Variants in NMBR observed in about 807,000 individuals in gnomAD.
NMBR encodes the protein neuromedin B receptor, also known as neuromedin-B receptor.
In NMBR, 16 loss-of-function variants were observed where a neutral mutation model predicts 20.5. That is an observed-to-expected ratio of 0.78 (90% confidence interval 0.53 to 1.19). NMBR has a LOEUF of 1.19. Among genes scored for constraint, NMBR ranks in the 50% most tolerant of loss-of-function variants. The pLI is 0.00. For missense variants in NMBR, 582 were observed against 499.1 expected, an observed-to-expected ratio of 1.17 and a Z score of -1.58; for synonymous variants, 212 against 196.6, an observed-to-expected ratio of 1.08 and a Z score of -0.65.
intron 1 of NMBR, among the ~76,000 whole-genome samples, chr6:142,109,918 A>T (rs1436046161): frequency 6.6e-6 from 1 of 152,120 alleles, no homozygotes; most frequent in Admixed American, 6.5e-5. Flanking sequence ...CCTTCACCAG[A>T]CACCACGAGT....
At chr6:142,098,162 G>A (rs1334696028) in intron 1 of NMBR, among the ~76,000 whole-genome samples, 1 of 152,056 alleles carries the variant, frequency 6.6e-6, no homozygotes, top group Non-Finnish European at 1.5e-5. Context: ...CATAGTTAAT[G>A]AAAGCTAAAC....
chr6:142,096,779 G>C (rs1582845239), intron 1 of NMBR, among the ~76,000 whole-genome samples: 1 of 151,858 alleles, frequency 6.6e-6, no homozygotes, highest in Non-Finnish European at 1.5e-5. Flanking sequence ...GGGTGTTAAA[G>C]TCTCCCATTA....
chr6:142,131,894 G>A (rs1778149718), intron 1 of NMBR, among the ~76,000 whole-genome samples: 1 of 152,170 alleles, frequency 6.6e-6, no homozygotes, highest in South Asian at 2.1e-4. Flanking sequence ...CTGTACAATG[G>A]TAAAAGCCAA....
intron 1 of NMBR, among the ~76,000 whole-genome samples, chr6:142,126,094 T>A (rs11155236): frequency 0.21 from 32,189 of 151,802 alleles, 4,393 homozygotes; most frequent in East Asian, 0.68. Context: ...ACTCTCTGCT[T>A]CTATGAATTT....
chr6:142,132,563 A>G (rs1324684995), intron 1 of NMBR, among the ~76,000 whole-genome samples: 2 of 152,214 alleles, frequency 1.3e-5, no homozygotes, highest in African/African-American at 2.4e-5. Context: ...TACATCAATA[A>G]TATTCAATAA....
intron 2 of NMBR, 30 bp from the exon 3 acceptor site, chr6:142,078,933 CAGAA>C: frequency 7.7e-7 from 1 of 1,299,258 alleles, no homozygotes; most frequent in Admixed American, 2.8e-5. Context: ...CAAGTTATTC[CAGAA>C]AGAAAGGAAA....
chr6:142,116,459 A>G (rs1322523737), intron 1 of NMBR, among the ~76,000 whole-genome samples: 1 of 152,008 alleles, frequency 6.6e-6, no homozygotes, highest in African/African-American at 2.4e-5. Context: ...GAACTCAAGG[A>G]TAAATTACTA....
intron 1 of NMBR, among the ~76,000 whole-genome samples, chr6:142,125,512 C>CATGTGCATGCAT (rs1778017216): frequency 1.3e-5 from 1 of 76,876 alleles, no homozygotes; most frequent in Admixed American, 1.1e-4. Flanking sequence ...CATATACATA[C>CATGTGCATGCAT]ATACACAATT....
chr6:142,143,770 T>C (rs1428554797), intron 1 of NMBR, among the ~76,000 whole-genome samples: 1 of 132,612 alleles, frequency 7.5e-6, no homozygotes, highest in Non-Finnish European at 1.7e-5. Context: ...GCCAACACAA[T>C]TTTGCAAAAG....
At chr6:142,141,626 T>A (rs1028450769) in intron 1 of NMBR, among the ~76,000 whole-genome samples, 2 of 150,888 alleles carry the variant, frequency 1.3e-5, no homozygotes, top group African/African-American at 4.9e-5. Flanking sequence ...TGCCTCAGCC[T>A]CCCGAATAGC....
At position 142,075,072 on chromosome 6, in the gene NMBR, G is replaced by T. The variant is rs1430417013; in HGVS notation, c.*576C>A. On this transcript the variant is annotated 3_prime_UTR_variant, in exon 4 of 4. Coordinates refer to ENST00000258042, the MANE Select transcript of NMBR (RefSeq NM_002511.4). ...TTCTTATTTTCTTAAAATGAAGGAC[G>T]TGTGTGTGTGTACATATATACATAT... Among the ~76,000 whole-genome samples, 1 of 145,152 alleles carries T rather than the reference G, an allele frequency of 6.9e-6. No individual in the cohort carries two copies. The highest frequency in any genetic ancestry group is 7.0e-5 in the Admixed American group (1 of 14,244).
intron 1 of NMBR, among the ~76,000 whole-genome samples, chr6:142,103,496 T>C (rs1777603039): frequency 6.6e-6 from 1 of 152,150 alleles, no homozygotes; most frequent in Admixed American, 6.5e-5. Flanking sequence ...CAAAATAATA[T>C]ATTTTTTAAT....
chr6:142,106,408 A>G (rs1178854599), intron 1 of NMBR, among the ~76,000 whole-genome samples: 1 of 152,192 alleles, frequency 6.6e-6, no homozygotes, highest in Non-Finnish European at 1.5e-5. Flanking sequence ...ACATAAACTC[A>G]CAGTTAAATC....
At chr6:142,127,828 T>C (rs765624536) in intron 1 of NMBR, among the ~76,000 whole-genome samples, 2 of 152,102 alleles carry the variant, frequency 1.3e-5, no homozygotes, top group Admixed American at 6.6e-5. Flanking sequence ...GATTTTTGTG[T>C]GTTGATTTTG....
In NMBR at chr6:142,116,452, C is replaced by A. The variant is rs192545045; in HGVS notation, c.-663-27131G>T. Among the ~76,000 whole-genome samples the A allele has an allele frequency of 1.9e-3, 285 of 152,010 alleles. 5 individuals carry two copies. The highest frequency in any genetic ancestry group is 2.2e-4 in the Non-Finnish European group (15 of 67,938). On this transcript the variant is annotated intron_variant, in intron 1 of 3. Coordinates refer to ENST00000258042, the MANE Select transcript of NMBR (RefSeq NM_002511.4). ...TATTTTCAGAGACTTTTAGGAAGAA[C>A]TCAAGGATAAATTACTAGGACCATA...
intron 1 of NMBR, among the ~76,000 whole-genome samples, chr6:142,129,757 G>C (rs1428303578): frequency 6.6e-6 from 1 of 152,098 alleles, no homozygotes; most frequent in Non-Finnish European, 1.5e-5. Flanking sequence ...GTATAACAAG[G>C]AGACCATAGT....
At chr6:142,094,727 A>AT (rs1273599768) in intron 1 of NMBR, among the ~76,000 whole-genome samples, 3 of 152,180 alleles carry the variant, frequency 2.0e-5, no homozygotes, top group Non-Finnish European at 4.4e-5. Flanking sequence ...CATTGAATCT[A>AT]TAAATTACCT....
rs1358831009 is a variant in NMBR, at chr6:142,075,434, A to T, written c.*214T>A. On this transcript the variant is annotated 3_prime_UTR_variant, in exon 4 of 4. Transcript: ENST00000258042. ...ACATATATATACATATATGTATTAT[A>T]TGTAGTGATTTAAAGTCTTTTCTCA... is the stretch of plus-strand genomic sequence containing the variant. Among the ~76,000 whole-genome samples, 1 of 152,094 alleles carries T rather than the reference A, an allele frequency of 6.6e-6. No homozygotes were observed. The highest frequency in any genetic ancestry group is 1.5e-5 in the Non-Finnish European group (1 of 68,010).
intron 1 of NMBR, chr6:142,134,980 T>G: frequency 2.1e-6 from 1 of 483,556 alleles, no homozygotes. Flanking sequence ...TAGTTTTATC[T>G]TACTCAGTGA....
Sources: allele counts gnomAD v4.1 joint callset (sites outside exome capture counted in the v4.1 genomes callset), GRCh38; gene constraint gnomAD v4.1.1; transcripts MANE v1.5; gene names NCBI Gene and HGNC (gene_info 2026-07-23, HGNC 2026-07-21).